STK38L: variants seen among roughly 807,000 people sequenced by gnomAD.
STK38L encodes serine/threonine-protein kinase 38-like.
STK38L carries 28 observed loss-of-function variants against 59.7 expected under a neutral mutation model. That is an observed-to-expected ratio of 0.47 (90% CI 0.35 to 0.64). STK38L has a LOEUF of 0.64. Ranked by LOEUF, STK38L falls within the 30% of genes least tolerant of loss-of-function variation. The probability of loss-of-function intolerance (pLI) is 0.01; values close to 1 mark genes in which losing one functional copy is unlikely to be tolerated. For synonymous variants in STK38L, 162 were observed against 176.8 expected (o/e 0.92, Z 0.66); for missense variants, 314 against 555.8 (o/e 0.56, Z 4.37).
intron 1 of STK38L, among the ~76,000 whole-genome samples, chr12:27,278,954 G>T (rs1171885283): frequency 6.6e-6 from 1 of 152,132 alleles, no homozygotes; most frequent in Non-Finnish European, 1.5e-5. Context: ...ATATGAAAAA[G>T]TATAATAATT....
In STK38L at chr12:27,325,799, C is replaced by T. The variant is rs550642365; in HGVS notation, c.*3344C>T. ...GGAATAAAGTAATAAAAATATATCTCAGCTATTTTTTTAAAGCAATATAAT... is the reference window on the plus strand; with the variant it reads ...GGAATAAAGTAATAAAAATATATCTTAGCTATTTTTTTAAAGCAATATAAT... On this transcript the variant is annotated 3_prime_UTR_variant, in exon 14 of 14. Coordinates refer to ENST00000389032, the MANE Select transcript of STK38L (RefSeq NM_015000.4). 3 of 151,962 alleles carry T rather than the reference C, an allele frequency of 2.0e-5. No homozygotes were observed. The highest frequency in any genetic ancestry group is 4.4e-5 in the Non-Finnish European group (3 of 67,988). 9.4% of individuals were successfully genotyped at this position (151,962 alleles called of 1,614,324 possible). A position where few individuals can be genotyped will look rare whatever the true frequency, so the allele number is the denominator to read the frequency against.
intron 8 of STK38L, 55 bp downstream of exon 8, chr12:27,315,172 A>G: frequency 6.3e-7 from 1 of 1,575,620 alleles, no homozygotes; most frequent in South Asian, 1.1e-5. Context: ...TGTAGAGAAC[A>G]GAAGGTTCTT....
intron 1 of STK38L, among the ~76,000 whole-genome samples, chr12:27,253,553 G>A (rs139882533): frequency 1.3e-5 from 2 of 152,212 alleles, no homozygotes; most frequent in Non-Finnish European, 2.9e-5. Context: ...TCAGAAGCTG[G>A]GCAGGTGACT....
chr12:27,304,098 CA>C, intron 3 of STK38L, among the ~76,000 whole-genome samples: 1 of 151,580 alleles, frequency 6.6e-6, no homozygotes, highest in Middle Eastern at 3.2e-3. Flanking sequence ...CTGGTCTCTA[CA>C]AAAAATTTTA....
chr12:27,277,734 T>C (rs1410493273), intron 1 of STK38L, among the ~76,000 whole-genome samples: 1 of 152,152 alleles, frequency 6.6e-6, no homozygotes, highest in Non-Finnish European at 1.5e-5. Context: ...ATTTGAGCAG[T>C]ATTTTTTGCT....
intron 3 of STK38L, among the ~76,000 whole-genome samples, chr12:27,304,474 A>G (rs182266675): frequency 2.0e-5 from 3 of 152,196 alleles, no homozygotes; most frequent in East Asian, 3.9e-4. Context: ...TAGAAAACTC[A>G]GATGTTTTTA....
chr12:27,276,397 A>G lies in STK38L; in HGVS notation c.-11-21313A>G, dbSNP rs531835373. Among the ~76,000 whole-genome samples, 10 of 152,346 alleles carry G rather than the reference A, an allele frequency of 6.6e-5. No homozygotes were observed. The East Asian group carries it at 1.7e-3, about 26-fold the overall frequency. On this transcript the variant is annotated intron_variant, in intron 1 of 13. Coordinates refer to ENST00000389032, the MANE Select transcript of STK38L (RefSeq NM_015000.4). ...CGAAGCCCATTGAAGACACAACTGC[A>G]GAAATCTGGCAGCCTGTCCCTGTGC... is the stretch of plus-strand genomic sequence containing the variant.
chr12:27,306,995 C>G (rs1413774717), intron 3 of STK38L, among the ~76,000 whole-genome samples: 1 of 152,090 alleles, frequency 6.6e-6, no homozygotes, highest in Non-Finnish European at 1.5e-5. Flanking sequence ...TCCCAAAGTG[C>G]TGGGATTATA....
Position 27,314,566 on chromosome 12 carries a change from A to G in STK38L, c.580A>G (p.Ile194Val), listed in dbSNP as rs759763204. 2.2e-5 allele frequency: 35 copies of G among 1,609,270 alleles called. No homozygotes were observed. In the Admixed American group the frequency reaches 5.7e-4, roughly 26 times the overall value. Residue 194 changes from isoleucine (I) to valine (V), a missense_variant, in exon 7 of 14, where the codon ATT (isoleucine) becomes GTT (valine). Physicochemically the swap from Ile to Val is conservative, Grantham distance 29. This residue lies in a region of STK38L where 192 missense variants were observed against 316.9 expected (regional missense o/e 0.61). Transcript: ENST00000389032. Reference protein sequence around the residue: ...TLTEEETQFYISETVLAIDAI... With the variant: ...TLTEEETQFYVSETVLAIDAI... ...GACAGAAGAGGAAACACAGTTCTAC[A>G]TTTCAGAGACTGTTCTGGCAATAGA... is the stretch of plus-strand genomic sequence containing the variant.
intron 1 of STK38L, among the ~76,000 whole-genome samples, chr12:27,296,151 GAAA>G (rs1217920815): frequency 6.6e-6 from 1 of 151,766 alleles, no homozygotes; most frequent in African/African-American, 2.4e-5. Context: ...ATCCTCAGGA[GAAA>G]AAAAGGGGGA....
chr12:27,304,594 A>G (rs1430217251), intron 3 of STK38L, among the ~76,000 whole-genome samples: 3 of 152,192 alleles, frequency 2.0e-5, no homozygotes, highest in Non-Finnish European at 4.4e-5. Context: ...ATTCCAATCT[A>G]TAGAGAAAAA....
chr12:27,252,524 G>A (rs1157085777), intron 1 of STK38L, among the ~76,000 whole-genome samples: 2 of 152,224 alleles, frequency 1.3e-5, no homozygotes, highest in African/African-American at 2.4e-5. Context: ...ACCACACCGT[G>A]TTTGCCCCTT....
rs1026758303 is a variant in STK38L at position 27,322,692 on chromosome 12, T to C, written c.*237T>C. ...TGTTAACTTTATTATATGAAGGTAC[T>C]GGAATAAAAGGAACAGACATCCCTT... On this transcript the variant is annotated 3_prime_UTR_variant, in exon 14 of 14. Transcript: ENST00000389032. The C allele has an allele frequency of 1.1e-4, 42 of 376,302 alleles. No homozygotes were observed. The highest frequency in any genetic ancestry group is 1.8e-4 in the Non-Finnish European group (39 of 217,826). The allele number at this position is 376,302 out of a possible 1,614,324, so 23.3% of individuals were successfully genotyped here. A position where few individuals can be genotyped will look rare whatever the true frequency, so the allele number is the denominator to read the frequency against.
At chr12:27,269,130 C>T (rs976368631) in intron 1 of STK38L, among the ~76,000 whole-genome samples, 14 of 152,280 alleles carry the variant, frequency 9.2e-5, no homozygotes, top group Middle Eastern at 6.8e-3. Flanking sequence ...TGAATTAGAT[C>T]CCATTTGTCA....
At chr12:27,268,432 T>C (rs1943347593) in intron 1 of STK38L, among the ~76,000 whole-genome samples, 1 of 152,200 alleles carries the variant, frequency 6.6e-6, no homozygotes, top group Non-Finnish European at 1.5e-5. Context: ...TCCATGTCCC[T>C]ACAAATGACA....
intron 5 of STK38L, 86 bp downstream of exon 5, chr12:27,309,283 GT>G: frequency 1.1e-6 from 1 of 892,882 alleles, no homozygotes; most frequent in Non-Finnish European, 1.6e-6. Context: ...TTAAGAAGCA[GT>G]TTACACATCT....
intron 3 of STK38L, among the ~76,000 whole-genome samples, chr12:27,305,026 C>A (rs972562743): frequency 6.6e-6 from 1 of 152,182 alleles, no homozygotes; most frequent in Non-Finnish European, 1.5e-5. Flanking sequence ...ATAAGAGTCC[C>A]AGCCCATGTG....
In STK38L at chr12:27,251,977, T is replaced by C. The variant is rs560123771; in HGVS notation, c.-12+7645T>C. On this transcript the variant is annotated intron_variant, in intron 1 of 13. Coordinates refer to ENST00000389032, the MANE Select transcript of STK38L (RefSeq NM_015000.4). ...CTAACAAGGGCTTGCTGAGGTATCT[T>C]ACAGTAGCACTTTTTTTTTTGAGAC... Among the ~76,000 whole-genome samples the C allele has an allele frequency of 8.0e-5, 12 of 149,962 alleles. No individual in the cohort carries two copies. The South Asian group carries it at 2.5e-3, about 32-fold the overall frequency.
chr12:27,293,130 G>A (rs895027152), intron 1 of STK38L, among the ~76,000 whole-genome samples: 9 of 152,102 alleles, frequency 5.9e-5, no homozygotes, highest in African/African-American at 2.2e-4. Flanking sequence ...TTTTTATACG[G>A]TTAATGCAGA....
Sources: gnomAD v4.1 joint callset for allele counts (sites outside exome capture counted in the v4.1 genomes callset) on GRCh38, gnomAD v4.1.1 for gene constraint, gnomAD v4.1.1 regional missense constraint, MANE v1.5 for transcripts, NCBI Gene and HGNC (gene_info 2026-07-23, HGNC 2026-07-21) for gene names.